The following NME7 variants were observed in gnomAD, a reference collection of about 807,000 sequenced individuals.
NME7 encodes the protein nucleoside diphosphate kinase 7.
A neutral mutation model predicts 49.1 loss-of-function variants in NME7; 41 were observed. The ratio of observed to expected loss-of-function variants is 0.83; its 90% CI spans 0.65 to 1.08. The LOEUF is 1.08. NME7 is among the 50% of genes least tolerant of loss of function. The pLI is 0.00. For synonymous variants in NME7, 139 were observed against 150.6 expected (o/e 0.92, Z 0.56); for missense variants, 423 against 463.4 (o/e 0.91, Z 0.80).
intron 11 of NME7, among the ~76,000 whole-genome samples, chr1:169,159,704 G>A (rs1056273824): frequency 9.9e-5 from 15 of 152,158 alleles, no homozygotes; most frequent in Admixed American, 5.2e-4. Flanking sequence ...CTTGGAGTCC[G>A]CAGGATAAGA....
chr1:169,274,390 C>T lies in NME7; in HGVS notation c.754+12913G>A, dbSNP rs1307528274. Among the ~76,000 whole-genome samples the T allele has an allele frequency of 4.8e-4, 63 of 132,570 alleles. 6 individuals carry two copies. The highest frequency in any genetic ancestry group is 1.4e-3 in the African/African-American group (54 of 39,236). The allele number at this position is 132,570 out of a possible 152,430, so 87.0% of individuals were successfully genotyped here. On this transcript the variant is annotated intron_variant, in intron 7 of 11. Coordinates refer to ENST00000367811, the MANE Select transcript of NME7 (RefSeq NM_013330.5). ...AGCCCTTTGTCAGAAGAGTAGGTTG[C>T]GAAAATTTTCTCCCATTTTGTAGGT...
chr1:169,169,988 C>CA (rs1372398385), intron 10 of NME7, among the ~76,000 whole-genome samples: 3 of 151,682 alleles, frequency 2.0e-5, no homozygotes, highest in Admixed American at 6.6e-5. Flanking sequence ...TAGAGAGAGG[C>CA]AAGGGAATGA....
At chr1:169,242,160 A>C (rs1358141621) in intron 7 of NME7, among the ~76,000 whole-genome samples, 2 of 151,982 alleles carry the variant, frequency 1.3e-5, no homozygotes, top group East Asian at 3.8e-4. Flanking sequence ...TAAATTTTAT[A>C]AATTTAGCAA....
intron 10 of NME7, among the ~76,000 whole-genome samples, chr1:169,206,419 C>T (rs1338142261): frequency 3.9e-5 from 6 of 152,048 alleles, no homozygotes; most frequent in Admixed American, 1.3e-4. Flanking sequence ...GCCTGGAACA[C>T]GGAGGGTAGG....
At chr1:169,288,313 T>C (rs926835085) in intron 6 of NME7, among the ~76,000 whole-genome samples, 5 of 152,142 alleles carry the variant, frequency 3.3e-5, no homozygotes, top group Non-Finnish European at 7.4e-5. Context: ...TCAATGCAAA[T>C]AGCCCTTGGT....
intron 9 of NME7, among the ~76,000 whole-genome samples, chr1:169,231,474 C>T (rs1047979965): frequency 6.6e-6 from 1 of 152,046 alleles, no homozygotes; most frequent in Non-Finnish European, 1.5e-5. Context: ...TTCGGGGAGG[C>T]CAATGTAGCC....
At chr1:169,241,614 T>C (rs1428221510) in intron 7 of NME7, among the ~76,000 whole-genome samples, 1 of 151,870 alleles carries the variant, frequency 6.6e-6, no homozygotes, top group East Asian at 1.9e-4. Context: ...TATAGGAAGA[T>C]GCTCACCATA....
intron 1 of NME7, among the ~76,000 whole-genome samples, chr1:169,334,170 C>T (rs1056598484): frequency 6.6e-6 from 1 of 152,074 alleles, no homozygotes; most frequent in Non-Finnish European, 1.5e-5. Flanking sequence ...CAATCTATTT[C>T]AAGCCAAGTA....
chr1:169,144,983 G>A (rs960409925), intron 11 of NME7, among the ~76,000 whole-genome samples: 12 of 152,104 alleles, frequency 7.9e-5, no homozygotes, highest in African/African-American at 2.9e-4. Context: ...CTCAGAAAAC[G>A]TACCATTATG....
At chr1:169,340,231 C>T (rs924076119) in intron 1 of NME7, among the ~76,000 whole-genome samples, 4 of 152,144 alleles carry the variant, frequency 2.6e-5, no homozygotes, top group Admixed American at 6.5e-5. Flanking sequence ...TTCCCCCATG[C>T]TGTTCTTGTG....
chr1:169,291,703 G>A (rs1465925160), intron 6 of NME7, among the ~76,000 whole-genome samples: 2 of 151,724 alleles, frequency 1.3e-5, no homozygotes, highest in African/African-American at 2.4e-5. Flanking sequence ...TCAACCTTTG[G>A]CAAAAACAAC....
In NME7 at chr1:169,323,335, G is replaced by A. The variant is rs117580104; in HGVS notation, c.112-52C>T. 1,612 of 1,392,688 alleles carry A rather than the reference G, an allele frequency of 1.2e-3. 38 individuals carry two copies. In the East Asian group the frequency reaches 0.039, roughly 34 times the overall value. The allele number at this position is 1,392,688 out of a possible 1,614,324, so 86.3% of individuals were successfully genotyped here. On this transcript the variant is annotated intron_variant, in intron 2 of 11. Transcript: ENST00000367811. ...AACAAACAAAAAAAGTTATGAATAA[G>A]GAAAGTTAATCTCATCATAAGGTAG... is the stretch of plus-strand genomic sequence containing the variant.
chr1:169,348,568 A>C (rs2101972076), intron 1 of NME7, among the ~76,000 whole-genome samples: 1 of 152,290 alleles, frequency 6.6e-6, no homozygotes, highest in South Asian at 2.1e-4. Flanking sequence ...ATTAATAAGC[A>C]ACTAATAAAA....
chr1:169,212,943 T>C (rs1415513146), intron 10 of NME7, among the ~76,000 whole-genome samples: 2 of 152,174 alleles, frequency 1.3e-5, no homozygotes, highest in East Asian at 3.9e-4. Flanking sequence ...GTGTCCTTTT[T>C]GCAGTGTACT....
At chr1:169,315,193 T>A (rs1406799482) in intron 3 of NME7, among the ~76,000 whole-genome samples, 1 of 151,954 alleles carries the variant, frequency 6.6e-6, no homozygotes, top group Non-Finnish European at 1.5e-5. Context: ...AGACTTCACC[T>A]AATGAATAAA....
At chr1:169,322,542 G>T (rs1198466982) in intron 3 of NME7, 2 of 151,518 alleles carry the variant, frequency 1.3e-5, no homozygotes, top group African/African-American at 4.8e-5. Flanking sequence ...CAGTTTTTAG[G>T]GATACAGTTA....
chr1:169,251,630 T>C (rs991063339), intron 7 of NME7, among the ~76,000 whole-genome samples: 2 of 148,768 alleles, frequency 1.3e-5, no homozygotes, highest in African/African-American at 4.9e-5. Context: ...TACATATGTA[T>C]ACATGTGCCA....
At chr1:169,300,036 C>G (rs941852303) in intron 5 of NME7, among the ~76,000 whole-genome samples, 3 of 152,070 alleles carry the variant, frequency 2.0e-5, no homozygotes, top group Admixed American at 6.6e-5. Context: ...ATTGAATAAG[C>G]CTATGAATAT....
chr1:169,175,451 T>A (rs974655567), intron 10 of NME7, among the ~76,000 whole-genome samples: 2 of 152,180 alleles, frequency 1.3e-5, no homozygotes, highest in Non-Finnish European at 2.9e-5. Context: ...ATTATCATTA[T>A]CAAGTATTAT....
Sources: gnomAD v4.1 joint callset for allele counts (sites outside exome capture counted in the v4.1 genomes callset) on GRCh38, gnomAD v4.1.1 for gene constraint, MANE v1.5 for transcripts, NCBI Gene and HGNC (gene_info 2026-07-23, HGNC 2026-07-21) for gene names.